The following FLT1 variants were observed in gnomAD, a reference collection of about 807,000 sequenced individuals.
The protein encoded by FLT1 is fms related receptor tyrosine kinase 1, also known as vascular endothelial growth factor receptor 1.
FLT1 carries 49 observed loss-of-function variants against 156.3 expected under a neutral mutation model. The ratio of observed to expected loss-of-function variants is 0.31; its 90% CI spans 0.25 to 0.40. The LOEUF (loss-of-function observed/expected upper bound fraction) is 0.40, where lower values mean the gene tolerates loss of function less well. Among genes scored for constraint, FLT1 ranks in the 10% least tolerant of loss-of-function variants. FLT1 has a pLI of 1.00. For missense variants in FLT1, 1,322 were observed against 1,637.2 expected (o/e 0.81, Z 3.32); for synonymous variants, 594 against 583.8 (o/e 1.02, Z -0.25).
At chr13:28,390,341 T>C (rs577417492) in intron 12 of FLT1, among the ~76,000 whole-genome samples, 2 of 152,330 alleles carry the variant, frequency 1.3e-5, no homozygotes, top group East Asian at 3.9e-4. Context: ...TTTCTCCTGA[T>C]TCACGTGAAG....
intron 16 of FLT1, among the ~76,000 whole-genome samples, chr13:28,340,487 A>C (rs2138853358): frequency 6.6e-6 from 1 of 152,312 alleles, no homozygotes; most frequent in East Asian, 1.9e-4. Flanking sequence ...TCTAGAATTG[A>C]TGACTGCATG....
intron 10 of FLT1, among the ~76,000 whole-genome samples, chr13:28,411,378 C>G (rs528152669): frequency 6.6e-6 from 1 of 151,680 alleles, no homozygotes; most frequent in East Asian, 1.9e-4. Flanking sequence ...TATGGAGAAA[C>G]CCTGTCTCTA....
At chr13:28,418,786 G>A (rs981128357) in intron 10 of FLT1, among the ~76,000 whole-genome samples, 11 of 151,712 alleles carry the variant, frequency 7.3e-5, no homozygotes, top group African/African-American at 7.3e-5. Context: ...TGCCCAGACC[G>A]GTCTCTGCAA....
intron 4 of FLT1, among the ~76,000 whole-genome samples, chr13:28,435,567 T>C (rs1877979340): frequency 6.6e-6 from 1 of 152,178 alleles, no homozygotes; most frequent in Admixed American, 6.5e-5. Context: ...ACAAAGAAGC[T>C]CGAAACCTTT....
intron 3 of FLT1, among the ~76,000 whole-genome samples, chr13:28,438,643 G>T (rs1353437177): frequency 6.6e-6 from 1 of 152,308 alleles, no homozygotes. Flanking sequence ...GCCTAAAAGT[G>T]CAGTAGGAGA....
At chr13:28,415,591 T>A (rs1876602272) in intron 10 of FLT1, among the ~76,000 whole-genome samples, 1 of 152,216 alleles carries the variant, frequency 6.6e-6, no homozygotes, top group Non-Finnish European at 1.5e-5. Flanking sequence ...ATTAGATGAT[T>A]TAATTCCTTC....
chr13:28,367,708 C>G (rs950741386), intron 14 of FLT1, among the ~76,000 whole-genome samples: 2 of 152,200 alleles, frequency 1.3e-5, no homozygotes, highest in East Asian at 1.9e-4. Flanking sequence ...CCTGTTCCCC[C>G]CCACACACAA....
At chr13:28,384,651 C>A (rs931839487) in intron 14 of FLT1, among the ~76,000 whole-genome samples, 3 of 152,096 alleles carry the variant, frequency 2.0e-5, no homozygotes, top group Admixed American at 2.0e-4. Flanking sequence ...TTAAAGACTT[C>A]CAGCTGAATA....
At chr13:28,367,703 TC>T (rs532856405) in intron 14 of FLT1, among the ~76,000 whole-genome samples, 186 of 152,134 alleles carry the variant, frequency 1.2e-3, no homozygotes, top group Non-Finnish European at 2.5e-3. Flanking sequence ...TGCCTCCTGT[TC>T]CCCCCCACAC....
intron 14 of FLT1, among the ~76,000 whole-genome samples, chr13:28,360,621 G>A (rs536971509): frequency 6.6e-6 from 1 of 152,298 alleles, no homozygotes; most frequent in Non-Finnish European, 1.5e-5. Context: ...TCACTTATAT[G>A]TGGAATCTAA....
At chr13:28,306,425 G>C (rs1404687181) in intron 29 of FLT1, among the ~76,000 whole-genome samples, 1 of 152,218 alleles carries the variant, frequency 6.6e-6, no homozygotes, top group Non-Finnish European at 1.5e-5. Context: ...CTGAGGCACT[G>C]TGCTGGCCAC....
At chr13:28,311,855 C>T (rs143590198) in intron 26 of FLT1, 123 bp from the exon 27 acceptor site, 1 of 1,149,708 alleles carries the variant, frequency 8.7e-7, no homozygotes, top group Non-Finnish European at 1.3e-6. Context: ...GAAGATAATT[C>T]TGTATACACA....
chr13:28,494,680 C>T, intron 1 of FLT1, 100 bp downstream of exon 1: 1 of 909,432 alleles, frequency 1.1e-6, no homozygotes, highest in Non-Finnish European at 1.7e-6. Context: ...GGGCTACAGC[C>T]TCGTCTCCCC....
chr13:28,324,553 T>TGCAGGTAACCCACCTGAGG, intron 20 of FLT1, among the ~76,000 whole-genome samples: 1 of 152,356 alleles, frequency 6.6e-6, no homozygotes, highest in South Asian at 2.1e-4. Context: ...CCACTGCCAT[T>TGCAGGTAACCCACCTGAGG]GCAGGTAACC....
chr13:28,389,546 A>T, intron 13 of FLT1: 1 of 1,431,690 alleles, frequency 7.0e-7, no homozygotes, highest in Non-Finnish European at 9.1e-7. Flanking sequence ...CTCGGCCTGA[A>T]TGGGGGGCCC....
chr13:28,361,989 A>G (rs1022199823), intron 14 of FLT1, among the ~76,000 whole-genome samples: 1 of 152,226 alleles, frequency 6.6e-6, no homozygotes, highest in African/African-American at 2.4e-5. Flanking sequence ...AAAGCATAGC[A>G]TCTGCAAGTC....
intron 8 of FLT1, among the ~76,000 whole-genome samples, 189 bp downstream of exon 8, chr13:28,429,861 G>A (rs1216597966): frequency 6.6e-6 from 1 of 152,142 alleles, no homozygotes; most frequent in Non-Finnish European, 1.5e-5. Flanking sequence ...CGCTTACCTT[G>A]CTACATTATT....
chr13:28,343,668 A>T (rs1872439281), intron 16 of FLT1, among the ~76,000 whole-genome samples: 1 of 148,130 alleles, frequency 6.8e-6, no homozygotes, highest in Non-Finnish European at 1.5e-5. Context: ...TCTGAGACAG[A>T]GTCTCGCTTT....
At chr13:28,371,725 G>C (rs1442819299) in intron 14 of FLT1, among the ~76,000 whole-genome samples, 1 of 152,094 alleles carries the variant, frequency 6.6e-6, no homozygotes, top group African/African-American at 2.4e-5. Flanking sequence ...CATGAAATTG[G>C]AAAGAAGGAA....
Sources: gnomAD v4.1 joint callset for allele counts (sites outside exome capture counted in the v4.1 genomes callset) on GRCh38, gnomAD v4.1.1 for gene constraint, MANE v1.5 for transcripts, NCBI Gene and HGNC (gene_info 2026-07-23, HGNC 2026-07-21) for gene names.